The following RPAP2 variants were observed in gnomAD, a reference collection of about 807,000 sequenced individuals.
RPAP2 encodes the protein putative RNA polymerase II subunit B1 CTD phosphatase RPAP2.
RPAP2 carries 52 observed loss-of-function variants against 73.1 expected under a neutral mutation model. The observed-to-expected ratio is 0.71, with a 90% CI of 0.57 to 0.90. RPAP2 has a LOEUF of 0.90. Ranked by LOEUF, RPAP2 falls within the 40% of genes least tolerant of loss-of-function variation. RPAP2 has a pLI of 0.00. For missense variants in RPAP2, 598 were observed against 701.8 expected, an observed-to-expected ratio of 0.85 and a Z score of 1.67; for synonymous variants, 225 against 242.1, an observed-to-expected ratio of 0.93 and a Z score of 0.65.
intron 11 of RPAP2, among the ~76,000 whole-genome samples, chr1:92,354,132 G>C (rs1246540457): frequency 6.6e-6 from 1 of 152,116 alleles, no homozygotes; most frequent in Non-Finnish European, 1.5e-5. Flanking sequence ...GCAAATCACA[G>C]CCTTGATTTT....
chr1:92,374,197 T>G (rs1182421803), intron 11 of RPAP2, among the ~76,000 whole-genome samples: 1 of 151,908 alleles, frequency 6.6e-6, no homozygotes, highest in African/African-American at 2.4e-5. Context: ...GAATCAGGGG[T>G]AGGAGAAAAA....
intron 11 of RPAP2, among the ~76,000 whole-genome samples, chr1:92,371,368 AGGGT>A (rs1261509560): frequency 1.7e-4 from 1 of 6,050 alleles, no homozygotes. Flanking sequence ...ATCCCACTGA[AGGGT>A]GGGTGGGTGG....
intron 11 of RPAP2, among the ~76,000 whole-genome samples, chr1:92,356,636 T>C (rs1388753174): frequency 2.0e-5 from 3 of 149,106 alleles, no homozygotes; most frequent in African/African-American, 4.9e-5. Context: ...GGTTTTGCCA[T>C]GTTGGCCAGA....
At chr1:92,330,209 G>C (rs1652878598) in intron 8 of RPAP2, among the ~76,000 whole-genome samples, 1 of 152,168 alleles carries the variant, frequency 6.6e-6, no homozygotes, top group Non-Finnish European at 1.5e-5. Flanking sequence ...TACAAAGACA[G>C]GTGGAAAAGG....
chr1:92,359,080 C>G (rs72960824), intron 11 of RPAP2, among the ~76,000 whole-genome samples: 7,360 of 152,212 alleles, frequency 0.048, 612 homozygotes, highest in African/African-American at 0.17. Context: ...TTGATTTTCT[C>G]AAAGCCTCTA....
chr1:92,300,394 A>T (rs979002432), intron 2 of RPAP2, among the ~76,000 whole-genome samples, 155 bp downstream of exon 2: 3 of 152,076 alleles, frequency 2.0e-5, no homozygotes, highest in African/African-American at 7.2e-5. Context: ...ATTCTCACAT[A>T]GACTGTTACA....
At chr1:92,346,275 C>T (rs1653894320) in intron 11 of RPAP2, among the ~76,000 whole-genome samples, 1 of 151,870 alleles carries the variant, frequency 6.6e-6, no homozygotes, top group Admixed American at 6.6e-5. Flanking sequence ...GCAATTCTCC[C>T]ACCTCAGCCT....
Position 92,392,562 on chromosome 1 carries a change from G to T in RPAP2, c.*5551G>T, listed in dbSNP as rs542214763. ...CAATCAGGCAAGAGAAAGCAATAAA[G>T]CATATTCAAATAGGAAGAGAGGAAG... On this transcript the variant is annotated 3_prime_UTR_variant, in exon 13 of 13. Coordinates refer to ENST00000610020, the MANE Select transcript of RPAP2 (RefSeq NM_024813.3). The T allele has an allele frequency of 3.9e-5, 6 of 152,316 alleles. No homozygotes were observed. In the East Asian group the frequency reaches 9.6e-4, roughly 24 times the overall value. 9.4% of individuals were successfully genotyped at this position (152,316 alleles called of 1,614,324 possible).
At chr1:92,367,630 T>C (rs1654983758) in intron 11 of RPAP2, among the ~76,000 whole-genome samples, 1 of 152,232 alleles carries the variant, frequency 6.6e-6, no homozygotes, top group Admixed American at 6.5e-5. Context: ...GTCTCCCTAC[T>C]GCAGCAGAAC....
chr1:92,304,210 T>A (rs1378844220), intron 4 of RPAP2, 74 bp from the exon 5 acceptor site: 1 of 1,172,528 alleles, frequency 8.5e-7, no homozygotes, highest in Non-Finnish European at 1.3e-6. Flanking sequence ...GATATGTAGA[T>A]GACTTAATCT....
At chr1:92,326,805 C>A (rs142251322) in intron 8 of RPAP2, among the ~76,000 whole-genome samples, 95 of 152,342 alleles carry the variant, frequency 6.2e-4, no homozygotes, top group South Asian at 2.3e-3. Context: ...CCACCATGTC[C>A]CTTCAAACAG....
At chr1:92,371,320 A>G (rs1004614928) in intron 11 of RPAP2, among the ~76,000 whole-genome samples, 3 of 25,946 alleles carry the variant, frequency 1.2e-4, no homozygotes, top group African/African-American at 4.0e-4. Flanking sequence ...AAAAAAAAAA[A>G]TATATATATA....
chr1:92,367,359 T>G (rs1654973093), intron 11 of RPAP2, among the ~76,000 whole-genome samples: 1 of 152,252 alleles, frequency 6.6e-6, no homozygotes, highest in African/African-American at 2.4e-5. Flanking sequence ...TGCGTTTGTT[T>G]GATTGTAAGC....
At chr1:92,326,067 G>A (rs747098830) in intron 8 of RPAP2, among the ~76,000 whole-genome samples, 33 of 151,584 alleles carry the variant, frequency 2.2e-4, no homozygotes, top group Non-Finnish European at 4.0e-4. Flanking sequence ...GTGGGTTATC[G>A]TATATGCATA....
At chr1:92,314,068 T>C (rs539291319) in intron 6 of RPAP2, among the ~76,000 whole-genome samples, 43 of 152,356 alleles carry the variant, frequency 2.8e-4, no homozygotes, top group African/African-American at 9.9e-4. Context: ...ACTTTCTCTA[T>C]ACCAGCAATA....
Position 92,299,103 on chromosome 1 carries a change from C to A in RPAP2, c.30C>A (p.Ala10=). ...CGGACTTCGCTGGGCCGTCTTCTGCCGGCCGCAAGGCCGGGGCTCCCCGCT... is the reference window on the plus strand; with the variant it reads ...CGGACTTCGCTGGGCCGTCTTCTGCAGGCCGCAAGGCCGGGGCTCCCCGCT... MADFAGPSS[A]GRKAGAPRCS... is the part of the protein sequence containing the mutation. Residue 10 remains alanine (A), a synonymous_variant, in exon 1 of 13, where the codon GCC becomes GCA. Transcript: ENST00000610020. 6.6e-7 allele frequency: 1 copy of A among 1,521,208 alleles called. No homozygotes were observed. The highest frequency in any genetic ancestry group is 8.8e-7 in the Non-Finnish European group (1 of 1,131,480). 94.2% of individuals were successfully genotyped at this position (1,521,208 alleles called of 1,614,324 possible). A position where few individuals can be genotyped will look rare whatever the true frequency, so the allele number is the denominator to read the frequency against.
At chr1:92,378,143 G>C (rs1474948342) in intron 11 of RPAP2, among the ~76,000 whole-genome samples, 1 of 152,164 alleles carries the variant, frequency 6.6e-6, no homozygotes, top group Non-Finnish European at 1.5e-5. Flanking sequence ...TTGAAAGTCA[G>C]AGAAGTCGTT....
At chr1:92,305,575 G>A (rs4472798) in intron 5 of RPAP2, among the ~76,000 whole-genome samples, 1 of 150,640 alleles carries the variant, frequency 6.6e-6, no homozygotes, top group Admixed American at 6.6e-5. Context: ...TTGTTCATCA[G>A]AAGTTTCAAA....
At chr1:92,309,172 G>T (rs1158547605) in intron 6 of RPAP2, among the ~76,000 whole-genome samples, 1 of 152,122 alleles carries the variant, frequency 6.6e-6, no homozygotes, top group Non-Finnish European at 1.5e-5. Flanking sequence ...TGCCGGGCGT[G>T]GTGGCTTACA....
Sources: allele counts gnomAD v4.1 joint callset (sites outside exome capture counted in the v4.1 genomes callset), GRCh38; gene constraint gnomAD v4.1.1; transcripts MANE v1.5; gene names NCBI Gene and HGNC (gene_info 2026-07-23, HGNC 2026-07-21).